Variants in EPHA5 observed in about 807,000 individuals in gnomAD.
EPHA5 encodes EPH receptor A5.
Under a neutral mutation model 105.0 loss-of-function variants are expected in EPHA5, and 60 were observed. That is an observed-to-expected ratio of 0.57 (90% confidence interval 0.46 to 0.71). EPHA5 has a LOEUF of 0.71. Among genes scored for constraint, EPHA5 ranks in the 30% least tolerant of loss-of-function variants. EPHA5 has a pLI of 0.00. For synonymous variants in EPHA5, 513 were observed against 449.1 expected, an observed-to-expected ratio of 1.14 and a Z score of -1.80; for missense variants, 1,218 against 1,274.7, an observed-to-expected ratio of 0.96 and a Z score of 0.68.
In EPHA5 at chr4:65,353,090, C is replaced by A. The variant is rs2148860695; in HGVS notation, c.2187G>T (p.Met729Ile). 6.4e-7 allele frequency: 1 copy of A among 1,559,986 alleles called. No homozygotes were observed. The highest frequency in any genetic ancestry group is 8.7e-7 in the Non-Finnish European group (1 of 1,155,282). ...EGVVTKSKPVMIVTEYMENGS... is the reference protein window; with the variant it reads ...EGVVTKSKPVIIVTEYMENGS... ...CATTCTCCATATACTCTGTCACGAT[C>A]ATCACTGGTTTACCTGAAAAGAAAA... The change falls in exon 12 of 17, where the codon ATG becomes ATT. Residue 729 changes from methionine to isoleucine, a missense_variant. Physicochemically the swap from Met to Ile is conservative, Grantham distance 10 (BLOSUM62 1). Coordinates refer to ENST00000613740, the MANE Select transcript of EPHA5 (RefSeq NM_001281766.3).
chr4:65,348,691 T>A (rs1375843327), intron 13 of EPHA5, among the ~76,000 whole-genome samples: 7 of 45,704 alleles, frequency 1.5e-4, no homozygotes, highest in African/African-American at 1.8e-4. Flanking sequence ...TATATATATA[T>A]ATATATAAAA....
At chr4:65,355,445 G>T (rs531917323) in intron 11 of EPHA5, among the ~76,000 whole-genome samples, 7 of 151,444 alleles carry the variant, frequency 4.6e-5, no homozygotes, top group Non-Finnish European at 8.9e-5. Context: ...TAACTATATT[G>T]TCAGACTCTT....
At chr4:65,341,224 C>T (rs1042593365) in intron 14 of EPHA5, among the ~76,000 whole-genome samples, 1 of 152,050 alleles carries the variant, frequency 6.6e-6, no homozygotes, top group Non-Finnish European at 1.5e-5. Flanking sequence ...TACAAATCTA[C>T]AAGATAAAAA....
At chr4:65,574,231 T>G (rs1740554462) in intron 3 of EPHA5, 1 of 1,602,030 alleles carries the variant, frequency 6.2e-7, no homozygotes, top group Non-Finnish European at 8.5e-7. Context: ...GACTCACAAA[T>G]TTTATCAAAA....
intron 4 of EPHA5, among the ~76,000 whole-genome samples, chr4:65,491,864 C>A (rs1471604095): frequency 2.0e-5 from 3 of 152,010 alleles, no homozygotes; most frequent in Non-Finnish European, 4.4e-5. Context: ...TAATTTCTAA[C>A]ACTAGAGTCA....
At chr4:65,637,353 G>A (rs1457283185) in intron 2 of EPHA5, among the ~76,000 whole-genome samples, 2 of 151,282 alleles carry the variant, frequency 1.3e-5, no homozygotes, top group Admixed American at 6.6e-5. Context: ...AATGAATGAG[G>A]AGTGTCGGGT....
At chr4:65,518,929 A>G (rs1247767483) in intron 3 of EPHA5, among the ~76,000 whole-genome samples, 1 of 152,104 alleles carries the variant, frequency 6.6e-6, no homozygotes, top group Non-Finnish European at 1.5e-5. Flanking sequence ...TATTCCAACC[A>G]ATAGAAAAAG....
chr4:65,541,071 C>T (rs1305372972), intron 3 of EPHA5, among the ~76,000 whole-genome samples: 1 of 151,178 alleles, frequency 6.6e-6, no homozygotes, highest in Non-Finnish European at 1.5e-5. Context: ...TTTCTCATCT[C>T]CAATTTTTCT....
At chr4:65,348,317 T>C (rs1722418138) in intron 13 of EPHA5, 114 bp from the exon 14 acceptor site, 1 of 958,750 alleles carries the variant, frequency 1.0e-6, no homozygotes, top group Non-Finnish European at 1.5e-6. Flanking sequence ...GTGAATCTGT[T>C]TGACAGCGCG....
At position 65,420,509 on chromosome 4, in the gene EPHA5, A is replaced by C. The variant is rs1483040945; in HGVS notation, c.1459T>G (p.Leu487Val). ...KGKIAKNSIS[L>V]SWQEPDRPNG... ...GGACGATCTGGTTCTTGCCAAGACA[A>C]AGAGATGCTGTTTTTTGCAATTTTC... The change falls in exon 6 of 17, where the codon TTG (leucine) becomes GTG (valine). Residue 487 changes from leucine (L) to valine (V), a missense_variant. This residue lies in a region of EPHA5 where 971 missense variants were observed against 1,013.5 expected (regional missense o/e 0.96). Coordinates refer to ENST00000613740, the MANE Select transcript of EPHA5 (RefSeq NM_001281766.3). 6.2e-7 allele frequency: 1 copy of C among 1,613,262 alleles called. No homozygotes were observed. Among genetic ancestry groups the C allele is most frequent in the Admixed American group, 1.7e-5 (1 of 59,962 alleles).
chr4:65,553,681 A>G (rs930345371), intron 3 of EPHA5, among the ~76,000 whole-genome samples: 3 of 152,038 alleles, frequency 2.0e-5, no homozygotes, highest in African/African-American at 4.8e-5. Context: ...TGCTAAATAA[A>G]TATTTGTGAA....
At chr4:65,574,743 C>CATATATATACATATATATATACAT (rs1740716100) in intron 3 of EPHA5, among the ~76,000 whole-genome samples, 1 of 80,296 alleles carries the variant, frequency 1.2e-5, no homozygotes, top group African/African-American at 5.4e-5. Flanking sequence ...TATATATATA[C>CATATATATACATATATATATACAT]ATATATATAT....
chr4:65,552,691 A>G (rs890164380), intron 3 of EPHA5, among the ~76,000 whole-genome samples: 1 of 152,124 alleles, frequency 6.6e-6, no homozygotes, highest in Non-Finnish European at 1.5e-5. Flanking sequence ...AGGTCACAAC[A>G]TTATTTAAGA....
intron 3 of EPHA5, among the ~76,000 whole-genome samples, chr4:65,519,397 T>A (rs1734443787): frequency 2.0e-5 from 3 of 152,044 alleles, no homozygotes; most frequent in Non-Finnish European, 4.4e-5. Flanking sequence ...AAGAGCTATC[T>A]ATGATAAACC....
intron 3 of EPHA5, among the ~76,000 whole-genome samples, chr4:65,560,222 C>G (rs1473010594): frequency 6.6e-6 from 1 of 152,060 alleles, no homozygotes. Context: ...TAGATATATT[C>G]ACATAAGATT....
At chr4:65,473,783 A>G (rs964163205) in intron 5 of EPHA5, among the ~76,000 whole-genome samples, 18 of 152,102 alleles carry the variant, frequency 1.2e-4, no homozygotes, top group Non-Finnish European at 5.9e-5. Context: ...GTGAACAAAC[A>G]TCACCCAAGT....
intron 3 of EPHA5, among the ~76,000 whole-genome samples, chr4:65,499,898 A>T (rs886116979): frequency 3.3e-5 from 5 of 151,318 alleles, no homozygotes; most frequent in Non-Finnish European, 7.4e-5. Flanking sequence ...ACAATTTGGA[A>T]GACACTGAAG....
At chr4:65,600,925 G>C (rs540223429) in intron 3 of EPHA5, among the ~76,000 whole-genome samples, 1 of 151,798 alleles carries the variant, frequency 6.6e-6, no homozygotes, top group African/African-American at 2.4e-5. Context: ...AGAGAAGCAT[G>C]CATGATCAAG....
At chr4:65,460,809 T>C (rs775769328) in intron 5 of EPHA5, among the ~76,000 whole-genome samples, 1 of 151,822 alleles carries the variant, frequency 6.6e-6, no homozygotes, top group Non-Finnish European at 1.5e-5. Flanking sequence ...TATGCTTCAA[T>C]GTACGTGTGT....
Sources: gnomAD v4.1 joint callset for allele counts (sites outside exome capture counted in the v4.1 genomes callset) on GRCh38, gnomAD v4.1.1 for gene constraint, gnomAD v4.1.1 regional missense constraint, MANE v1.5 for transcripts, NCBI Gene and HGNC (gene_info 2026-07-23, HGNC 2026-07-21) for gene names.